The following SDK1 variants were observed in gnomAD, a reference collection of about 807,000 sequenced individuals.
The protein encoded by SDK1 is protein sidekick-1.
In SDK1, 157 loss-of-function variants were observed where a neutral mutation model predicts 245.5. That is an observed-to-expected ratio of 0.64 (90% confidence interval 0.56 to 0.73). The LOEUF is 0.73. Ranked by LOEUF, SDK1 falls within the 30% of genes least tolerant of loss-of-function variation. The probability of loss-of-function intolerance (pLI) is 0.00; values close to 1 mark genes in which losing one functional copy is unlikely to be tolerated. For synonymous variants in SDK1, 1,647 were observed against 1,278.5 expected, an observed-to-expected ratio of 1.29 and a Z score of -6.15; for missense variants, 3,583 against 3,002.3, an observed-to-expected ratio of 1.19 and a Z score of -4.52.
At chr7:3,882,946 A>G (rs192352682) in intron 5 of SDK1, among the ~76,000 whole-genome samples, 1 of 152,188 alleles carries the variant, frequency 6.6e-6, no homozygotes, top group East Asian at 1.9e-4. Flanking sequence ...AATTTAGGTA[A>G]TGGAACATTT....
At chr7:4,232,200 G>T (rs931386790) in intron 40 of SDK1, among the ~76,000 whole-genome samples, 13 of 151,820 alleles carry the variant, frequency 8.6e-5, no homozygotes, top group African/African-American at 3.1e-4. Context: ...AGATGCCTTT[G>T]TTATCACCAT....
At chr7:3,655,515 A>T (rs1315285188) in intron 4 of SDK1, among the ~76,000 whole-genome samples, 2 of 133,216 alleles carry the variant, frequency 1.5e-5, no homozygotes, top group East Asian at 4.8e-4. Flanking sequence ...GTATGTATGT[A>T]TATAAAATGT....
chr7:3,423,419 G>A (rs1477543583), intron 1 of SDK1, among the ~76,000 whole-genome samples: 2 of 152,156 alleles, frequency 1.3e-5, no homozygotes, highest in African/African-American at 2.4e-5. Flanking sequence ...GCTAATGATT[G>A]TCTTCATCAA....
intron 5 of SDK1, among the ~76,000 whole-genome samples, chr7:3,879,215 C>T (rs755016321): frequency 3.3e-5 from 5 of 152,058 alleles, no homozygotes; most frequent in Non-Finnish European, 5.9e-5. Flanking sequence ...GTTGTAAGGA[C>T]AAAACATGGC....
intron 1 of SDK1, among the ~76,000 whole-genome samples, chr7:3,374,559 G>A (rs968175438): frequency 3.3e-5 from 5 of 152,068 alleles, no homozygotes; most frequent in African/African-American, 1.2e-4. Context: ...CACTATACAG[G>A]TCTTCCAATT....
At chr7:3,848,912 C>T (rs944740573) in intron 5 of SDK1, among the ~76,000 whole-genome samples, 3 of 152,266 alleles carry the variant, frequency 2.0e-5, no homozygotes, top group African/African-American at 7.2e-5. Flanking sequence ...CCTTATGATC[C>T]GCCCACCTCG....
chr7:3,442,955 C>T (rs1475852725), intron 1 of SDK1, among the ~76,000 whole-genome samples: 1 of 152,154 alleles, frequency 6.6e-6, no homozygotes, highest in Non-Finnish European at 1.5e-5. Flanking sequence ...TCCCAAGAAG[C>T]CTGCTCTATA....
chr7:4,043,725 A>T (rs1034438559), intron 17 of SDK1, among the ~76,000 whole-genome samples: 2 of 151,936 alleles, frequency 1.3e-5, no homozygotes, highest in Non-Finnish European at 2.9e-5. Context: ...AATTATGCAA[A>T]TTTTTTTGTT....
At chr7:3,716,721 T>C (rs1030630168) in intron 4 of SDK1, among the ~76,000 whole-genome samples, 1 of 149,494 alleles carries the variant, frequency 6.7e-6, no homozygotes, top group African/African-American at 2.5e-5. Flanking sequence ...ACGGCGCCAT[T>C]GCACTTCAGC....
chr7:3,862,952 CGCTG>C (rs142637424), intron 5 of SDK1, among the ~76,000 whole-genome samples: 8,032 of 152,194 alleles, frequency 0.053, 687 homozygotes, highest in African/African-American at 0.18. Flanking sequence ...CCAGTGCCAC[CGCTG>C]GCTGATCTGA....
At chr7:4,167,868 G>C (rs1278033337) in intron 32 of SDK1, among the ~76,000 whole-genome samples, 1 of 152,236 alleles carries the variant, frequency 6.6e-6, no homozygotes, top group East Asian at 1.9e-4. Context: ...CTGGGAGTTT[G>C]AGCAGTCAGC....
intron 1 of SDK1, among the ~76,000 whole-genome samples, chr7:3,510,773 T>C (rs1409515503): frequency 6.6e-6 from 1 of 152,128 alleles, no homozygotes; most frequent in African/African-American, 2.4e-5. Context: ...AGACTCTCAG[T>C]CTCTCCTACA....
intron 5 of SDK1, among the ~76,000 whole-genome samples, chr7:3,839,252 G>C (rs1780099672): frequency 6.6e-6 from 1 of 152,146 alleles, no homozygotes; most frequent in African/African-American, 2.4e-5. Flanking sequence ...CTGGCCTGTA[G>C]AACCCTTTGC....
At chr7:3,302,029 G>T in intron 1 of SDK1, 145 bp downstream of exon 1, 1 of 488,784 alleles carries the variant, frequency 2.0e-6, no homozygotes, top group South Asian at 9.1e-5. Flanking sequence ...GAGCCCAGGG[G>T]CTCCTCCACG....
chr7:3,691,320 G>A (rs117614232), intron 4 of SDK1, among the ~76,000 whole-genome samples: 3,587 of 152,250 alleles, frequency 0.024, 72 homozygotes, highest in Non-Finnish European at 0.036. Context: ...AGAGGTCAGG[G>A]CTCTTACTCG....
intron 4 of SDK1, among the ~76,000 whole-genome samples, chr7:3,804,522 C>A (rs1231079050): frequency 6.6e-6 from 1 of 152,030 alleles, no homozygotes; most frequent in Non-Finnish European, 1.5e-5. Flanking sequence ...CTTTTTGCTT[C>A]TTTTTCAAAA....
intron 19 of SDK1, among the ~76,000 whole-genome samples, chr7:4,067,454 C>T (rs58704629): frequency 0.22 from 33,841 of 152,004 alleles, 5,058 homozygotes; most frequent in African/African-American, 0.43. Flanking sequence ...ACAGATGGCC[C>T]CCACACAAGC....
chr7:3,794,971 A>C (rs1429821853), intron 4 of SDK1, among the ~76,000 whole-genome samples: 1 of 151,866 alleles, frequency 6.6e-6, no homozygotes, highest in African/African-American at 2.4e-5. Context: ...TGTTGTTACT[A>C]TTACAGTATT....
intron 30 of SDK1, among the ~76,000 whole-genome samples, chr7:4,155,715 C>G (rs1466577418): frequency 6.6e-6 from 1 of 152,180 alleles, no homozygotes; most frequent in Admixed American, 6.5e-5. Flanking sequence ...ACCCCCCACC[C>G]CAGCCTGAGA....
Sources: gnomAD v4.1 joint callset for allele counts (sites outside exome capture counted in the v4.1 genomes callset) on GRCh38, gnomAD v4.1.1 for gene constraint, MANE v1.5 for transcripts, NCBI Gene and HGNC (gene_info 2026-07-23, HGNC 2026-07-21) for gene names.